Variants in ANKH observed in about 807,000 individuals in gnomAD.
ANKH encodes ANKH inorganic pyrophosphate transport regulator, also known as mineralization regulator ANKH.
In ANKH, 15 loss-of-function variants were observed where a neutral mutation model predicts 49.0. That is an observed-to-expected ratio of 0.31 (90% confidence interval 0.20 to 0.47). The LOEUF (loss-of-function observed/expected upper bound fraction) is 0.47, where lower values mean the gene tolerates loss of function less well. Among genes scored for constraint, ANKH ranks in the 20% least tolerant of loss-of-function variants. ANKH has a pLI of 1.00. For missense variants in ANKH, 429 were observed against 652.0 expected, an observed-to-expected ratio of 0.66 and a Z score of 3.72; for synonymous variants, 273 against 260.0, an observed-to-expected ratio of 1.05 and a Z score of -0.48.
chr5:14,782,548 A>G (rs1184240998), intron 1 of ANKH, among the ~76,000 whole-genome samples: 1 of 152,194 alleles, frequency 6.6e-6, no homozygotes, highest in Non-Finnish European at 1.5e-5. Flanking sequence ...CAATACTTTA[A>G]ACAGAGAGGA....
chr5:14,818,828 C>T (rs1406619251), intron 1 of ANKH, among the ~76,000 whole-genome samples: 10 of 152,024 alleles, frequency 6.6e-5, no homozygotes, highest in East Asian at 1.9e-4. Context: ...TCGTTCTGGT[C>T]GCCGACTCTT....
chr5:14,809,350 A>G (rs1409934875), intron 1 of ANKH, among the ~76,000 whole-genome samples: 5 of 147,288 alleles, frequency 3.4e-5, no homozygotes, highest in South Asian at 2.2e-4. Flanking sequence ...AAAAAAAAAA[A>G]AAAAAAAGAA....
chr5:14,800,159 T>C lies in ANKH; in HGVS notation c.97-30968A>G, dbSNP rs73050644. Among the ~76,000 whole-genome samples, 575 of 152,330 alleles carry C rather than the reference T, an allele frequency of 3.8e-3. 3 individuals carry two copies. Among genetic ancestry groups the C allele is most frequent in the African/African-American group, 0.013 (546 of 41,580 alleles). ...GAGAACTAGAGTTAGAAGTAGAGCA[T>C]GAAGACAGGACTGAATTGCTGTAAT... On this transcript the variant is annotated intron_variant, in intron 1 of 11. Coordinates refer to ENST00000284268, the MANE Select transcript of ANKH (RefSeq NM_054027.6).
chr5:14,766,227 A>AT (rs1739254293), intron 2 of ANKH, among the ~76,000 whole-genome samples: 1 of 130,650 alleles, frequency 7.7e-6, no homozygotes, highest in South Asian at 3.2e-4. Context: ...CCCTATCTCT[A>AT]CAAAAAAAAA....
chr5:14,822,903 G>A (rs1741236683), intron 1 of ANKH, among the ~76,000 whole-genome samples: 1 of 152,120 alleles, frequency 6.6e-6, no homozygotes, highest in African/African-American at 2.4e-5. Flanking sequence ...GCGCAGTGGT[G>A]CACGCCTGTA....
intron 2 of ANKH, chr5:14,768,068 G>GA (rs1739310119): frequency 6.6e-6 from 1 of 152,158 alleles, no homozygotes; most frequent in Non-Finnish European, 1.5e-5. Flanking sequence ...CATTAAAAAG[G>GA]AAAACCACAA....
At chr5:14,765,822 G>C (rs1173242230) in intron 2 of ANKH, among the ~76,000 whole-genome samples, 1 of 152,192 alleles carries the variant, frequency 6.6e-6, no homozygotes, top group Non-Finnish European at 1.5e-5. Flanking sequence ...CTGCGTTAGT[G>C]AAAGTGAGAA....
intron 1 of ANKH, among the ~76,000 whole-genome samples, chr5:14,818,373 C>T (rs1452430705): frequency 1.3e-5 from 2 of 152,002 alleles, no homozygotes; most frequent in African/African-American, 4.8e-5. Context: ...GGCACAGTGG[C>T]TCACGCCTGT....
At chr5:14,760,704 A>G (rs1739047541) in intron 2 of ANKH, among the ~76,000 whole-genome samples, 2 of 152,226 alleles carry the variant, frequency 1.3e-5, no homozygotes, top group Admixed American at 6.5e-5. Flanking sequence ...TAGAGCAACG[A>G]ACACAATGCC....
chr5:14,847,221 A>G (rs1741989113), intron 1 of ANKH, among the ~76,000 whole-genome samples: 2 of 152,088 alleles, frequency 1.3e-5, no homozygotes, highest in African/African-American at 4.8e-5. Flanking sequence ...AAAGAAAGAG[A>G]GAAAAGTTGG....
intron 8 of ANKH, among the ~76,000 whole-genome samples, chr5:14,728,044 C>G (rs1328366826): frequency 6.6e-6 from 1 of 152,216 alleles, no homozygotes; most frequent in South Asian, 2.1e-4. Flanking sequence ...TCCCCCAAAA[C>G]AAACCAATCA....
chr5:14,809,297 G>A (rs1326736813), intron 1 of ANKH, among the ~76,000 whole-genome samples: 1 of 103,428 alleles, frequency 9.7e-6, no homozygotes, highest in African/African-American at 3.9e-5. Flanking sequence ...TAACTAACCT[G>A]CACAATGTGC....
intron 8 of ANKH, 49 bp from the exon 9 acceptor site, chr5:14,716,884 G>T (rs369592087): frequency 6.2e-7 from 1 of 1,607,692 alleles, no homozygotes; most frequent in Non-Finnish European, 8.5e-7. Flanking sequence ...GTGTAAGCAG[G>T]TGAAATGAGC....
At position 14,839,771 on chromosome 5, in the gene ANKH, T is replaced by A. The variant is rs551832724; in HGVS notation, c.96+31581A>T. Among the ~76,000 whole-genome samples, 4 of 152,326 alleles carry A rather than the reference T, an allele frequency of 2.6e-5. No homozygotes were observed. In the East Asian group the frequency reaches 7.7e-4, roughly 29 times the overall value. ...CATCTTCAATATTCTAATTTTGCAC[T>A]GTAAATAAGATACTTTGTGCATTTG... On this transcript the variant is annotated intron_variant, in intron 1 of 11. Coordinates refer to ENST00000284268, the MANE Select transcript of ANKH (RefSeq NM_054027.6).
chr5:14,716,125 C>T (rs892863673), intron 9 of ANKH, among the ~76,000 whole-genome samples: 4 of 152,162 alleles, frequency 2.6e-5, no homozygotes, highest in African/African-American at 7.2e-5. Context: ...GACAGAGGGC[C>T]GTTTTATTGT....
intron 4 of ANKH, among the ~76,000 whole-genome samples, chr5:14,752,571 C>T (rs1369685152): frequency 2.0e-5 from 3 of 152,176 alleles, no homozygotes; most frequent in African/African-American, 7.2e-5. Flanking sequence ...TCCACTCATT[C>T]CAAAGACCTC....
intron 1 of ANKH, among the ~76,000 whole-genome samples, chr5:14,846,932 C>T (rs980895381): frequency 6.8e-6 from 1 of 146,612 alleles, no homozygotes; most frequent in Admixed American, 7.1e-5. Flanking sequence ...TGCTTGAACT[C>T]AGGAGACGGA....
intron 1 of ANKH, among the ~76,000 whole-genome samples, chr5:14,811,525 A>G (rs924358020): frequency 2.0e-5 from 3 of 152,202 alleles, no homozygotes; most frequent in Admixed American, 2.0e-4. Context: ...ACCACTGAAG[A>G]GTATTCTGAT....
intron 1 of ANKH, among the ~76,000 whole-genome samples, chr5:14,850,118 T>C (rs959788852): frequency 3.9e-5 from 6 of 152,216 alleles, no homozygotes; most frequent in African/African-American, 9.6e-5. Context: ...TCTTTCAAAG[T>C]AGCTGGTCTC....
Sources: allele counts gnomAD v4.1 joint callset (sites outside exome capture counted in the v4.1 genomes callset), GRCh38; gene constraint gnomAD v4.1.1; transcripts MANE v1.5; gene names NCBI Gene and HGNC (gene_info 2026-07-23, HGNC 2026-07-21).